Variants in ADAMTS16 observed in about 807,000 individuals in gnomAD.
ADAMTS16 encodes the protein ADAM metallopeptidase with thrombospondin type 1 motif 16.
In ADAMTS16, 94 loss-of-function variants were observed where a neutral mutation model predicts 145.8. The observed-to-expected ratio is 0.64, with a 90% CI of 0.55 to 0.77. ADAMTS16 has a LOEUF of 0.77. Ranked by LOEUF, ADAMTS16 falls within the 30% of genes least tolerant of loss-of-function variation. The pLI is 0.00. For missense variants in ADAMTS16, 1,585 were observed against 1,591.5 expected, an observed-to-expected ratio of 1.00 and a Z score of 0.07; for synonymous variants, 659 against 604.3, an observed-to-expected ratio of 1.09 and a Z score of -1.33.
chr5:5,261,161 T>C (rs1738001360), intron 17 of ADAMTS16, among the ~76,000 whole-genome samples: 1 of 152,200 alleles, frequency 6.6e-6, no homozygotes, highest in South Asian at 2.1e-4. Context: ...TCGTTTGAGA[T>C]AGGGTTTCCC....
At chr5:5,190,533 T>G (rs1170030442) in intron 7 of ADAMTS16, among the ~76,000 whole-genome samples, 1 of 152,090 alleles carries the variant, frequency 6.6e-6, no homozygotes, top group Non-Finnish European at 1.5e-5. Context: ...CTTCTCTCTC[T>G]GTATCTCAAT....
intron 9 of ADAMTS16, among the ~76,000 whole-genome samples, chr5:5,203,082 C>A (rs888268905): frequency 2.6e-5 from 4 of 152,172 alleles, no homozygotes; most frequent in African/African-American, 9.7e-5. Context: ...ACTACTGTAG[C>A]ATTTCAATGA....
intron 3 of ADAMTS16, among the ~76,000 whole-genome samples, chr5:5,161,016 A>C (rs1734730180): frequency 6.6e-6 from 1 of 152,170 alleles, no homozygotes; most frequent in African/African-American, 2.4e-5. Flanking sequence ...AAAAGCCCAT[A>C]CCTTAGTAAT....
At chr5:5,233,028 T>C (rs915232111) in intron 12 of ADAMTS16, among the ~76,000 whole-genome samples, 8 of 85,334 alleles carry the variant, frequency 9.4e-5, no homozygotes, top group Admixed American at 3.4e-4. Context: ...TATAACTACC[T>C]GACCACAGCA....
chr5:5,253,042 C>CCATAAT, intron 17 of ADAMTS16, among the ~76,000 whole-genome samples: 1 of 152,314 alleles, frequency 6.6e-6, no homozygotes, highest in East Asian at 1.9e-4. Flanking sequence ...GCTCATGCCT[C>CCATAAT]CATAATCTTA....
At chr5:5,293,798 C>T (rs909159975) in intron 18 of ADAMTS16, among the ~76,000 whole-genome samples, 2 of 152,186 alleles carry the variant, frequency 1.3e-5, no homozygotes, top group South Asian at 2.1e-4. Context: ...CTTGGTGTGA[C>T]CAAATGAACC....
chr5:5,207,656 A>G lies in ADAMTS16; in HGVS notation c.1452-1437A>G, dbSNP rs1579311291. On this transcript the variant is annotated intron_variant, in intron 9 of 22. Transcript: ENST00000274181. ...TTTAAGTTTCGCACCATTAATTATA[A>G]TGTTAACTATATTTTTTGTAGATGG... Among the ~76,000 whole-genome samples, 4 of 151,804 alleles carry G rather than the reference A, an allele frequency of 2.6e-5. No homozygotes were observed. In the East Asian group the frequency reaches 5.8e-4, roughly 22 times the overall value.
At chr5:5,262,159 A>G (rs963053107) in intron 17 of ADAMTS16, among the ~76,000 whole-genome samples, 1 of 152,236 alleles carries the variant, frequency 6.6e-6, no homozygotes. Context: ...TGATTGTTAA[A>G]GTTAGCCTTT....
chr5:5,205,112 G>T (rs1030216765), intron 9 of ADAMTS16, among the ~76,000 whole-genome samples: 1 of 150,634 alleles, frequency 6.6e-6, no homozygotes, highest in East Asian at 1.9e-4. Context: ...CTTCTCTCTT[G>T]GTGAGAGTAT....
intron 9 of ADAMTS16, among the ~76,000 whole-genome samples, chr5:5,201,270 C>T (rs768208321): frequency 1.3e-4 from 20 of 152,094 alleles, no homozygotes; most frequent in Non-Finnish European, 2.4e-4. Context: ...TGAGAAATGT[C>T]CTCTACCCAT....
chr5:5,173,460 C>G (rs1006550865), intron 3 of ADAMTS16, among the ~76,000 whole-genome samples: 1 of 150,702 alleles, frequency 6.6e-6, no homozygotes, highest in African/African-American at 2.4e-5. Flanking sequence ...CAAATAATAT[C>G]TTATAACTCA....
intron 17 of ADAMTS16, among the ~76,000 whole-genome samples, chr5:5,251,565 T>G (rs16875155): frequency 0.023 from 3,456 of 152,372 alleles, 134 homozygotes; most frequent in East Asian, 0.15. Context: ...TACAAATATG[T>G]GTGCATGTGA....
chr5:5,155,160 T>C (rs1424471932), intron 3 of ADAMTS16, among the ~76,000 whole-genome samples: 3 of 152,144 alleles, frequency 2.0e-5, no homozygotes, highest in Non-Finnish European at 1.5e-5. Context: ...CTTTTTTTCC[T>C]CCTTAAATGT....
Position 5,269,152 on chromosome 5 carries a change from G to A in ADAMTS16, c.2789+6369G>A, listed in dbSNP as rs931338668. 1.5e-4 allele frequency among the ~76,000 whole-genome samples: 23 copies of A among 152,018 alleles called. No homozygotes were observed. The highest frequency in any genetic ancestry group is 3.2e-4 in the Non-Finnish European group (22 of 68,008). ...ACTGAAGTTGTCCTTCTGTCTCACT[G>A]CATGGCTGATCGTCCCACCGCTCAC... On this transcript the variant is annotated intron_variant, in intron 18 of 22. Transcript: ENST00000274181. This position sits in a 1 kb window ranked among gnomAD's most constrained non-coding sequence, Gnocchi z 4.3.
chr5:5,150,077 A>C (rs1203724128), intron 3 of ADAMTS16, among the ~76,000 whole-genome samples: 1 of 152,202 alleles, frequency 6.6e-6, no homozygotes, highest in Non-Finnish European at 1.5e-5. Flanking sequence ...GACATATGGA[A>C]ACTCTACACT....
At chr5:5,311,264 G>A (rs1399023920) in intron 21 of ADAMTS16, among the ~76,000 whole-genome samples, 13 of 139,672 alleles carry the variant, frequency 9.3e-5, no homozygotes, top group African/African-American at 2.5e-4. Context: ...AGCCCTGCAC[G>A]GGAAGCTGCA....
chr5:5,229,986 C>A (rs143806429), intron 11 of ADAMTS16, among the ~76,000 whole-genome samples: 30 of 152,292 alleles, frequency 2.0e-4, no homozygotes, highest in Non-Finnish European at 3.4e-4. Context: ...AACACCAATG[C>A]TCTGGGCCTC....
At chr5:5,267,158 C>T (rs537371785) in intron 18 of ADAMTS16, among the ~76,000 whole-genome samples, 13 of 152,248 alleles carry the variant, frequency 8.5e-5, no homozygotes, top group Admixed American at 8.5e-4. Flanking sequence ...GGGGAGCGGG[C>T]AGATGGGCAG....
chr5:5,220,383 C>T (rs1358962673), intron 10 of ADAMTS16, among the ~76,000 whole-genome samples: 1 of 151,122 alleles, frequency 6.6e-6, no homozygotes, highest in Non-Finnish European at 1.5e-5. Context: ...TGATCTCGAT[C>T]TCCTGACCTC....
Sources: gnomAD v4.1 joint callset for allele counts (sites outside exome capture counted in the v4.1 genomes callset) on GRCh38, gnomAD v4.1.1 for gene constraint, Gnocchi (gnomAD v3.1) non-coding constraint, MANE v1.5 for transcripts, NCBI Gene and HGNC (gene_info 2026-07-23, HGNC 2026-07-21) for gene names.